ASB18: variants seen among roughly 807,000 people sequenced by gnomAD.
ASB18 encodes ankyrin repeat and SOCS box protein 18.
Under a neutral mutation model 33.4 loss-of-function variants are expected in ASB18, and 33 were observed. That is an observed-to-expected ratio of 0.99 (90% CI 0.75 to 1.32). ASB18 has a LOEUF of 1.32. Ranked by LOEUF, ASB18 falls within the 40% of genes most tolerant of loss-of-function variation. ASB18 has a pLI of 0.00. For missense variants in ASB18, 694 were observed against 655.5 expected (o/e 1.06, Z -0.64); for synonymous variants, 295 against 307.6 (o/e 0.96, Z 0.43).
Position 236,194,841 on chromosome 2 carries a change from A to G in ASB18, c.*31T>C. The G allele has an allele frequency of 6.3e-7, 1 of 1,590,568 alleles. No homozygotes were observed. On this transcript the variant is annotated 3_prime_UTR_variant, in exon 6 of 6. Coordinates refer to ENST00000409749, the MANE Select transcript of ASB18 (RefSeq NM_212556.4). The surrounding 1 kb of genome is among the most constrained non-coding windows in gnomAD (Gnocchi z 4.5). ...GCCTCCATGGAAGGTCAGCGAGGAGAACAACAGTATTGGTTGCAGCGTTCT... is the reference window on the plus strand; with the variant it reads ...GCCTCCATGGAAGGTCAGCGAGGAGGACAACAGTATTGGTTGCAGCGTTCT...
Position 236,252,556 on chromosome 2 carries a change from C to T in ASB18, c.206-11154G>A, listed in dbSNP as rs1400070912. On this transcript the variant is annotated intron_variant, in intron 1 of 5. Transcript: ENST00000409749. This position sits in a 1 kb window ranked among gnomAD's most constrained non-coding sequence, Gnocchi z 7.9. ...ATTTCCTCCCCAGGATGTCTGTTTT[C>T]TCCTCTTGATCTATTGTTGCGGGGA... Among the ~76,000 whole-genome samples the T allele has an allele frequency of 6.6e-6, 1 of 152,126 alleles. No homozygotes were observed. The highest frequency in any genetic ancestry group is 1.5e-5 in the Non-Finnish European group (1 of 68,020).
At position 236,220,484 on chromosome 2, in the gene ASB18, C is replaced by A. The variant is rs1357797597; in HGVS notation, c.597-5618G>T. Among the ~76,000 whole-genome samples the A allele has an allele frequency of 6.6e-6, 1 of 152,192 alleles. No homozygotes were observed. The highest frequency in any genetic ancestry group is 1.5e-5 in the Non-Finnish European group (1 of 68,026). ...CCTGATCACCCTCTTTATTCAAAGCCCTGGAAATGCTGCTTCTCTGCCTCC... is the reference window on the plus strand; with the variant it reads ...CCTGATCACCCTCTTTATTCAAAGCACTGGAAATGCTGCTTCTCTGCCTCC... On this transcript the variant is annotated intron_variant, in intron 3 of 5. Transcript: ENST00000409749. The surrounding 1 kb of genome is among the most constrained non-coding windows in gnomAD (Gnocchi z 5.1).
intron 4 of ASB18, among the ~76,000 whole-genome samples, chr2:236,202,999 A>G (rs2060412897): frequency 2.0e-5 from 3 of 151,890 alleles, no homozygotes. Context: ...CTCCTTCAGT[A>G]ACAATTTTGG....
chr2:236,201,076 G>T (rs2060398772), intron 4 of ASB18, among the ~76,000 whole-genome samples: 1 of 152,028 alleles, frequency 6.6e-6, no homozygotes, highest in South Asian at 2.1e-4. Context: ...CGTTGGTAGG[G>T]TCATAGCCAA....
At chr2:236,202,097 C>A (rs2060406039) in intron 4 of ASB18, among the ~76,000 whole-genome samples, 1 of 151,894 alleles carries the variant, frequency 6.6e-6, no homozygotes, top group South Asian at 2.1e-4. Context: ...TTACAGGGAC[C>A]CGCCATCATG....
rs1437557346 is a variant in ASB18 at position 236,238,181 on chromosome 2, A to T, written c.329-225T>A. On this transcript the variant is annotated intron_variant, in intron 2 of 5. Coordinates refer to ENST00000409749, the MANE Select transcript of ASB18 (RefSeq NM_212556.4). The surrounding 1 kb of genome is among the most constrained non-coding windows in gnomAD (Gnocchi z 5.2). ...ACAGAGGAAGAAATACAAAGGAGAGATTGAAGGCTAAAACCGAGCTAGAGA... is the reference window on the plus strand; with the variant it reads ...ACAGAGGAAGAAATACAAAGGAGAGTTTGAAGGCTAAAACCGAGCTAGAGA... Among the ~76,000 whole-genome samples the T allele has an allele frequency of 6.6e-6, 1 of 152,120 alleles. No individual in the cohort carries two copies. Among genetic ancestry groups the T allele is most frequent in the Non-Finnish European group, 1.5e-5 (1 of 68,028 alleles).
chr2:236,208,893 T>A lies in ASB18; in HGVS notation c.1101+5469A>T, dbSNP rs1238928705. Among the ~76,000 whole-genome samples, 1 of 152,026 alleles carries A rather than the reference T, an allele frequency of 6.6e-6. No homozygotes were observed. Among genetic ancestry groups the A allele is most frequent in the Non-Finnish European group, 1.5e-5 (1 of 68,020 alleles). ...TCATTAGTGTCCACGCACACCACAC[T>A]CTCTTCAGCTAATGAGGCGGCAGAA... On this transcript the variant is annotated intron_variant, in intron 4 of 5. Transcript: ENST00000409749. The surrounding 1 kb of genome is among the most constrained non-coding windows in gnomAD (Gnocchi z 7.7).
Position 236,194,216 on chromosome 2 carries a change from G to A in ASB18, c.*656C>T, listed in dbSNP as rs566301836. 4.5e-4 allele frequency among the ~76,000 whole-genome samples: 69 copies of A among 152,314 alleles called. No homozygotes were observed. Among genetic ancestry groups the A allele is most frequent in the South Asian group, 1.7e-3 (8 of 4,826 alleles). On this transcript the variant is annotated 3_prime_UTR_variant, in exon 6 of 6. Coordinates refer to ENST00000409749, the MANE Select transcript of ASB18 (RefSeq NM_212556.4). This position sits in a 1 kb window ranked among gnomAD's most constrained non-coding sequence, Gnocchi z 4.5. The stretch of plus-strand genomic sequence containing the variant: ...CACATTGGTGACTGTTCTGAACTTC[G>A]TGGTGGTAGGAGGTGCTCCTGACAA...
At position 236,214,239 on chromosome 2, in the gene ASB18, C is replaced by CA. The variant is rs1187342857; in HGVS notation, c.1101+122dup. 9.7e-7 allele frequency: 1 copy of CA among 1,034,810 alleles called. No homozygotes were observed. The highest frequency in any genetic ancestry group is 1.7e-5 in the African/African-American group (1 of 58,410). The allele number at this position is 1,034,810 out of a possible 1,614,324, so 64.1% of individuals were successfully genotyped here. A position where few individuals can be genotyped will look rare whatever the true frequency, so the allele number is the denominator to read the frequency against. ...CGGCAGAGCAGATTCTGCATTTTCA[C>CA]AAGTCCCCAGGGGTGCCTGGGCCAT... On this transcript the variant is annotated intron_variant, in intron 4 of 5. Coordinates refer to ENST00000409749, the MANE Select transcript of ASB18 (RefSeq NM_212556.4). This position sits in a 1 kb window ranked among gnomAD's most constrained non-coding sequence, Gnocchi z 6.5.
intron 4 of ASB18, among the ~76,000 whole-genome samples, chr2:236,210,086 G>A (rs2060452676): frequency 6.6e-6 from 1 of 152,206 alleles, no homozygotes; most frequent in South Asian, 2.1e-4. Context: ...TCTCACCATG[G>A]CAACTTCACC....
Position 236,214,496 on chromosome 2 carries a change from C to T in ASB18, c.967G>A (p.Asp323Asn). 1 of 1,499,152 alleles carries T rather than the reference C, an allele frequency of 6.7e-7. No homozygotes were observed. Among genetic ancestry groups the T allele is most frequent in the Non-Finnish European group, 8.8e-7 (1 of 1,133,228 alleles). The allele number at this position is 1,499,152 out of a possible 1,614,324, so 92.9% of individuals were successfully genotyped here. Reference protein sequence around the residue: ...LRHGADAGALDYGGASPLGRV... With the variant: ...LRHGADAGALNYGGASPLGRV... ...CCCAGCGGCGAGGCCCCGCCATAGTCGAGCGCGCCCGCGTCGGCGCCGTGC... is the reference window on the plus strand; with the variant it reads ...CCCAGCGGCGAGGCCCCGCCATAGTTGAGCGCGCCCGCGTCGGCGCCGTGC... Residue 323 changes from aspartate to asparagine, a missense_variant, in exon 4 of 6, where the codon GAC becomes AAC. By Grantham distance (23) the Asp-to-Asn change is conservative. Coordinates refer to ENST00000409749, the MANE Select transcript of ASB18 (RefSeq NM_212556.4). The surrounding 1 kb of genome is among the most constrained non-coding windows in gnomAD (Gnocchi z 6.5).
Position 236,235,962 on chromosome 2 carries a change from G to A in ASB18, c.596+1727C>T, listed in dbSNP as rs2060587098. Among the ~76,000 whole-genome samples, 1 of 152,144 alleles carries A rather than the reference G, an allele frequency of 6.6e-6. No individual in the cohort carries two copies. The highest frequency in any genetic ancestry group is 2.4e-5 in the African/African-American group (1 of 41,412). On this transcript the variant is annotated intron_variant, in intron 3 of 5. Transcript: ENST00000409749. This position sits in a 1 kb window ranked among gnomAD's most constrained non-coding sequence, Gnocchi z 6.2. ...GCCTGTCTCAGCCTCCCAAAGTGTT[G>A]GGATTACCGGCATGAGCCACCGCAC...
In ASB18 at chr2:236,259,312, C is replaced by A. The variant is rs1456925373; in HGVS notation, c.205+4829G>T. Among the ~76,000 whole-genome samples, 1 of 152,202 alleles carries A rather than the reference C, an allele frequency of 6.6e-6. No individual in the cohort carries two copies. Among genetic ancestry groups the A allele is most frequent in the Non-Finnish European group, 1.5e-5 (1 of 68,036 alleles). On this transcript the variant is annotated intron_variant, in intron 1 of 5. Coordinates refer to ENST00000409749, the MANE Select transcript of ASB18 (RefSeq NM_212556.4). This position sits in a 1 kb window ranked among gnomAD's most constrained non-coding sequence, Gnocchi z 4.4. ...TAGCTCTTCCATGCCAATCACTGCA[C>A]CCAGAGTCCAAGCTTTCTCTCAGGG... is the stretch of plus-strand genomic sequence containing the variant.
intron 3 of ASB18, among the ~76,000 whole-genome samples, chr2:236,218,541 G>A (rs2060498007): frequency 6.6e-6 from 1 of 152,188 alleles, no homozygotes; most frequent in African/African-American, 2.4e-5. Context: ...GTTCACGCCT[G>A]TAATTCCAGC....
At chr2:236,224,588 A>C (rs1385282410) in intron 3 of ASB18, among the ~76,000 whole-genome samples, 1 of 152,184 alleles carries the variant, frequency 6.6e-6, no homozygotes, top group Non-Finnish European at 1.5e-5. Context: ...AGGAGATGCA[A>C]TCTTTTAGCA....
intron 4 of ASB18, among the ~76,000 whole-genome samples, chr2:236,207,192 A>G (rs2060438471): frequency 6.6e-6 from 1 of 152,184 alleles, no homozygotes; most frequent in South Asian, 2.1e-4. Flanking sequence ...ACAGCAGGAA[A>G]GGGTCTGAGG....
At position 236,262,197 on chromosome 2, in the gene ASB18, C is replaced by T. The variant is rs1391118657; in HGVS notation, c.205+1944G>A. Reference sequence around the variant, plus strand: ...ATATTTAGGTTCAGGATTCCCAATACACAAATCTTCAACCGGCTGGGACTG... The same window carrying T: ...ATATTTAGGTTCAGGATTCCCAATATACAAATCTTCAACCGGCTGGGACTG... On this transcript the variant is annotated intron_variant, in intron 1 of 5. Coordinates refer to ENST00000409749, the MANE Select transcript of ASB18 (RefSeq NM_212556.4). This position sits in a 1 kb window ranked among gnomAD's most constrained non-coding sequence, Gnocchi z 5.2. 6.6e-6 allele frequency among the ~76,000 whole-genome samples: 1 copy of T among 152,222 alleles called. No individual in the cohort carries two copies. The highest frequency in any genetic ancestry group is 2.4e-5 in the African/African-American group (1 of 41,454).
Position 236,218,401 on chromosome 2 carries a change from T to C in ASB18, c.597-3535A>G, listed in dbSNP as rs183011860. Among the ~76,000 whole-genome samples the C allele has an allele frequency of 8.4e-3, 1,276 of 152,304 alleles. 7 individuals carry two copies. Among genetic ancestry groups the C allele is most frequent in the Admixed American group, 0.014 (220 of 15,298 alleles). ...AGGTGTGAGAGCCTATTTAATGGCA[T>C]GGAAATACATTTGCAGTGGATGTGA... On this transcript the variant is annotated intron_variant, in intron 3 of 5. Coordinates refer to ENST00000409749, the MANE Select transcript of ASB18 (RefSeq NM_212556.4).
rs767955352 is a variant in ASB18 at position 236,196,288 on chromosome 2, G to A, written c.1199C>T (p.Pro400Leu). 50 of 1,552,388 alleles carry A rather than the reference G, an allele frequency of 3.2e-5. No individual in the cohort carries two copies. Among genetic ancestry groups the A allele is most frequent in the Non-Finnish European group, 4.4e-5 (50 of 1,145,524 alleles). Residue 400 changes from proline (P) to leucine (L), a missense_variant, in exon 5 of 6, where the codon CCT (proline) becomes CTT (leucine). Transcript: ENST00000409749. This position sits in a 1 kb window ranked among gnomAD's most constrained non-coding sequence, Gnocchi z 5.6. ...CCCTCTTGCCTGGAATACTTCCTCAGGAATCACTTCCTTCCAGGACTCTGA... is the reference window on the plus strand; with the variant it reads ...CCCTCTTGCCTGGAATACTTCCTCAAGAATCACTTCCTTCCAGGACTCTGA... The part of the protein sequence containing the change: ...CLSESWKEVI[P>L]EEVFQMHKPF...
Sources: gnomAD v4.1 joint callset for allele counts (sites outside exome capture counted in the v4.1 genomes callset) on GRCh38, gnomAD v4.1.1 for gene constraint, Gnocchi (gnomAD v3.1) non-coding constraint, MANE v1.5 for transcripts, NCBI Gene and HGNC (gene_info 2026-07-23, HGNC 2026-07-21) for gene names.